JAKMIP1: variants seen among roughly 807,000 people sequenced by gnomAD.
JAKMIP1 encodes the protein janus kinase and microtubule interacting protein 1, also known as janus kinase and microtubule-interacting protein 1.
JAKMIP1 carries 33 observed loss-of-function variants against 113.0 expected under a neutral mutation model. The observed-to-expected ratio is 0.29, with a 90% CI of 0.22 to 0.39. The LOEUF is 0.39. Among genes scored for constraint, JAKMIP1 ranks in the 10% least tolerant of loss-of-function variants. JAKMIP1 has a pLI of 1.00. For missense variants in JAKMIP1, 813 were observed against 1,080.5 expected, an observed-to-expected ratio of 0.75 and a Z score of 3.47; for synonymous variants, 480 against 459.9, an observed-to-expected ratio of 1.04 and a Z score of -0.56.
At chr4:6,112,289 C>T (rs1715062344) in intron 2 of JAKMIP1, among the ~76,000 whole-genome samples, 1 of 152,202 alleles carries the variant, frequency 6.6e-6, no homozygotes, top group African/African-American at 2.4e-5. Flanking sequence ...CAAGCTGTAA[C>T]TGATCAAGTA....
chr4:6,102,722 C>CTTTTTTTTT lies in JAKMIP1; in HGVS notation c.624+2742_624+2750dup, dbSNP rs1191358910. 1.3e-3 allele frequency among the ~76,000 whole-genome samples: 65 copies of CTTTTTTTTT among 50,838 alleles called. 9 individuals carry two copies. The highest frequency in any genetic ancestry group is 3.8e-3 in the African/African-American group (44 of 11,686). The allele number at this position is 50,838 out of a possible 152,430, so 33.4% of individuals were successfully genotyped here. A position where few individuals can be genotyped will look rare whatever the true frequency, so the allele number is the denominator to read the frequency against. ...TCCCTTTTTTCTCCCTCTCTAAAGA[C>CTTTTTTTTT]TTTTTTTTTTTTTTTTTTTTTTTTT... is the stretch of plus-strand genomic sequence containing the variant. On this transcript the variant is annotated intron_variant, in intron 3 of 20. Coordinates refer to ENST00000409021, the MANE Select transcript of JAKMIP1 (RefSeq NM_001099433.2).
intron 1 of JAKMIP1, among the ~76,000 whole-genome samples, chr4:6,191,966 CTT>C (rs1727320974): frequency 1.3e-5 from 1 of 75,892 alleles, no homozygotes; most frequent in Non-Finnish European, 2.8e-5. Flanking sequence ...GAGTTTCGCT[CTT>C]GTCACCCAGG....
intron 18 of JAKMIP1, among the ~76,000 whole-genome samples, chr4:6,038,621 A>T (rs988747650): frequency 6.6e-6 from 1 of 152,238 alleles, no homozygotes; most frequent in Admixed American, 6.5e-5. Flanking sequence ...CCCTGCTGGG[A>T]TCCAGGCCCA....
chr4:6,060,085 C>G (rs770590424), intron 11 of JAKMIP1, among the ~76,000 whole-genome samples: 6 of 152,166 alleles, frequency 3.9e-5, no homozygotes, highest in Non-Finnish European at 8.8e-5. Flanking sequence ...CAATTAAAAT[C>G]TTGATAGAAA....
At chr4:6,190,391 A>G (rs75044237) in intron 1 of JAKMIP1, among the ~76,000 whole-genome samples, 2,395 of 152,318 alleles carry the variant, frequency 0.016, 45 homozygotes, top group African/African-American at 0.037. Flanking sequence ...TTGTATTAAC[A>G]AAGTCCCCAT....
chr4:6,070,853 C>G (rs1718860328), intron 8 of JAKMIP1, among the ~76,000 whole-genome samples: 1 of 152,158 alleles, frequency 6.6e-6, no homozygotes, highest in African/African-American at 2.4e-5. Context: ...ATTTTTTTAA[C>G]TAGATCAAAG....
intron 3 of JAKMIP1, among the ~76,000 whole-genome samples, chr4:6,101,123 A>G (rs1319262071): frequency 6.6e-6 from 1 of 152,180 alleles, no homozygotes; most frequent in East Asian, 1.9e-4. Context: ...AATATTTACC[A>G]TGTCCCAAGA....
chr4:6,088,637 G>C lies in JAKMIP1; in HGVS notation c.625-3008C>G, dbSNP rs543843661. On this transcript the variant is annotated intron_variant, in intron 3 of 20. Coordinates refer to ENST00000409021, the MANE Select transcript of JAKMIP1 (RefSeq NM_001099433.2). The surrounding 1 kb of genome is among the most constrained non-coding windows in gnomAD (Gnocchi z 5.5). ...GAGGGCCAATGCAGAACACATTCCG[G>C]AGCCAGCATGAGAGTCCTGAGGCCC... Among the ~76,000 whole-genome samples the C allele has an allele frequency of 6.6e-6, 1 of 152,308 alleles. No homozygotes were observed. The highest frequency in any genetic ancestry group is 2.1e-4 in the South Asian group (1 of 4,822).
In JAKMIP1 at chr4:6,178,062, G is replaced by A. The variant is rs1248298437; in HGVS notation, c.-148+22191C>T. On this transcript the variant is annotated intron_variant, in intron 1 of 20. Transcript: ENST00000409021. The surrounding 1 kb of genome is among the most constrained non-coding windows in gnomAD (Gnocchi z 5.5). ...CACTTCCTGTCCAGCCCCTAACCCC[G>A]CCTCGTTGGCCACGCCCACTTCATG... Among the ~76,000 whole-genome samples, 2 of 152,204 alleles carry A rather than the reference G, an allele frequency of 1.3e-5. No homozygotes were observed. The highest frequency in any genetic ancestry group is 1.9e-4 in the East Asian group (1 of 5,178).
intron 1 of JAKMIP1, among the ~76,000 whole-genome samples, chr4:6,127,043 C>A (rs369115951): frequency 1.7e-4 from 26 of 152,254 alleles, no homozygotes; most frequent in African/African-American, 5.3e-4. Context: ...AGAAGACACA[C>A]CCCCATACCA....
At chr4:6,109,454 A>G (rs1714555463) in intron 2 of JAKMIP1, among the ~76,000 whole-genome samples, 1 of 151,920 alleles carries the variant, frequency 6.6e-6, no homozygotes. Flanking sequence ...AATGCCAGAA[A>G]GTAAGGAAAT....
At position 6,032,893 on chromosome 4, in the gene JAKMIP1, G is replaced by C. The variant is rs533831731; in HGVS notation, c.2379+3011C>G. 2.0e-5 allele frequency among the ~76,000 whole-genome samples: 3 copies of C among 152,278 alleles called. No homozygotes were observed. The East Asian group carries it at 5.8e-4, about 29-fold the overall frequency. ...GGTGCTGTGGTGGTGCTCTGTGTTA[G>C]GAAGGCTTCGGCAGAGAAAGAGACA... is the stretch of plus-strand genomic sequence containing the variant. On this transcript the variant is annotated intron_variant, in intron 19 of 20. Transcript: ENST00000409021.
intron 3 of JAKMIP1, among the ~76,000 whole-genome samples, chr4:6,100,698 T>C (rs1472771460): frequency 6.6e-6 from 1 of 152,232 alleles, no homozygotes; most frequent in African/African-American, 2.4e-5. Context: ...CCTATCAGAA[T>C]GACGGTACCC....
At position 6,158,989 on chromosome 4, in the gene JAKMIP1, T is replaced by G. The variant is rs1012791936; in HGVS notation, c.-148+41264A>C. 1.3e-5 allele frequency among the ~76,000 whole-genome samples: 2 copies of G among 151,356 alleles called. No individual in the cohort carries two copies. ...CTATAGTCCCAGCTATTCAAGAGGC[T>G]GAGGTAGGAAGATAGCTTGAGCCCT... On this transcript the variant is annotated intron_variant, in intron 1 of 20. Coordinates refer to ENST00000409021, the MANE Select transcript of JAKMIP1 (RefSeq NM_001099433.2). This position sits in a 1 kb window ranked among gnomAD's most constrained non-coding sequence, Gnocchi z 5.3.
chr4:6,122,461 G>A (rs1716846561), intron 1 of JAKMIP1, among the ~76,000 whole-genome samples: 2 of 152,272 alleles, frequency 1.3e-5, no homozygotes, highest in Admixed American at 6.5e-5. Context: ...TTTTCTAAAG[G>A]AACTACAAAG....
At chr4:6,104,526 C>A (rs1222199284) in intron 3 of JAKMIP1, among the ~76,000 whole-genome samples, 1 of 152,234 alleles carries the variant, frequency 6.6e-6, no homozygotes, top group Non-Finnish European at 1.5e-5. Context: ...GTATCTTTCC[C>A]CATCCTCTTA....
intron 8 of JAKMIP1, 118 bp downstream of exon 8, chr4:6,078,821 G>A (rs1720060952): frequency 1.2e-6 from 1 of 869,526 alleles, no homozygotes; most frequent in East Asian, 2.5e-5. Flanking sequence ...CAGGCATGCA[G>A]AGATGTGTGT....
rs1253180137 is a variant in JAKMIP1 at position 6,158,071 on chromosome 4, C to T, written c.-148+42182G>A. ...GGCTCAAGCTGTCGGCCAGCGCCGT[C>T]CCTCTCCCTGTGTGAGACGCTGGTC... On this transcript the variant is annotated intron_variant, in intron 1 of 20. Transcript: ENST00000409021. The surrounding 1 kb of genome is among the most constrained non-coding windows in gnomAD (Gnocchi z 5.3). Among the ~76,000 whole-genome samples, 1 of 152,166 alleles carries T rather than the reference C, an allele frequency of 6.6e-6. No individual in the cohort carries two copies. Among genetic ancestry groups the T allele is most frequent in the Non-Finnish European group, 1.5e-5 (1 of 68,038 alleles).
intron 3 of JAKMIP1, among the ~76,000 whole-genome samples, chr4:6,092,782 T>C (rs988566122): frequency 6.6e-6 from 1 of 152,144 alleles, no homozygotes; most frequent in African/African-American, 2.4e-5. Flanking sequence ...AGAAACGCAT[T>C]CCTGGAAATC....
Sources: gnomAD v4.1 joint callset for allele counts (sites outside exome capture counted in the v4.1 genomes callset) on GRCh38, gnomAD v4.1.1 for gene constraint, Gnocchi (gnomAD v3.1) non-coding constraint, MANE v1.5 for transcripts, NCBI Gene and HGNC (gene_info 2026-07-23, HGNC 2026-07-21) for gene names.